Variants in SMOC2 observed in about 807,000 individuals in gnomAD.
SMOC2 encodes SPARC-related modular calcium-binding protein 2.
SMOC2 carries 39 observed loss-of-function variants against 61.4 expected under a neutral mutation model. That is an observed-to-expected ratio of 0.64 (90% CI 0.49 to 0.83). The LOEUF (loss-of-function observed/expected upper bound fraction) is 0.83. Among genes scored for constraint, SMOC2 ranks in the 40% least tolerant of loss-of-function variants. The pLI is 0.00. For missense variants in SMOC2, 556 were observed against 592.9 expected (o/e 0.94, Z 0.65); for synonymous variants, 247 against 239.9 (o/e 1.03, Z -0.27).
At chr6:168,664,434 C>T in intron 12 of SMOC2, 1 of 402,286 alleles carries the variant, frequency 2.5e-6, no homozygotes, top group Non-Finnish European at 4.5e-6. Flanking sequence ...GGGGTTCTGC[C>T]ATGTTGCCCA....
chr6:168,464,824 A>G (rs946412639), intron 1 of SMOC2, among the ~76,000 whole-genome samples: 3 of 152,254 alleles, frequency 2.0e-5, no homozygotes, highest in African/African-American at 7.2e-5. Flanking sequence ...AGGAATAAAA[A>G]AAGTGCCAGG....
At chr6:168,634,168 A>G (rs1786651180) in intron 9 of SMOC2, among the ~76,000 whole-genome samples, 1 of 152,146 alleles carries the variant, frequency 6.6e-6, no homozygotes, top group African/African-American at 2.4e-5. Flanking sequence ...ACGGACTAAT[A>G]CACACAGGCT....
At chr6:168,628,840 C>T (rs1391883303) in intron 9 of SMOC2, among the ~76,000 whole-genome samples, 1 of 152,238 alleles carries the variant, frequency 6.6e-6, no homozygotes, top group East Asian at 1.9e-4. Context: ...TGAACTTTAA[C>T]CAGGCCATTC....
intron 1 of SMOC2, among the ~76,000 whole-genome samples, chr6:168,490,487 G>A (rs1462186876): frequency 3.9e-5 from 6 of 152,180 alleles, no homozygotes; most frequent in African/African-American, 7.2e-5. Flanking sequence ...CCCCTTGATG[G>A]CCTGCACGCC....
At chr6:168,606,621 C>G (rs60027497) in intron 8 of SMOC2, among the ~76,000 whole-genome samples, 1 of 152,082 alleles carries the variant, frequency 6.6e-6, no homozygotes, top group Non-Finnish European at 1.5e-5. Context: ...AAAATAGAAC[C>G]TAAAGTGATC....
intron 9 of SMOC2, among the ~76,000 whole-genome samples, chr6:168,632,812 T>G (rs1033407631): frequency 2.6e-5 from 4 of 152,216 alleles, no homozygotes; most frequent in Non-Finnish European, 1.5e-5. Context: ...TCCCAGAGAC[T>G]GTCATCAGCC....
At chr6:168,604,562 CA>C (rs1785638458) in intron 8 of SMOC2, among the ~76,000 whole-genome samples, 1 of 152,296 alleles carries the variant, frequency 6.6e-6, no homozygotes, top group African/African-American at 2.4e-5. Context: ...CTGAAATAAG[CA>C]GCCCCAGGGA....
intron 9 of SMOC2, among the ~76,000 whole-genome samples, chr6:168,645,454 G>A (rs184980097): frequency 1.3e-5 from 2 of 152,304 alleles, no homozygotes; most frequent in East Asian, 3.9e-4. Context: ...GAGTTAGCAC[G>A]GGACAGAGAC....
chr6:168,458,004 G>A (rs995939539), intron 1 of SMOC2, among the ~76,000 whole-genome samples: 3 of 152,122 alleles, frequency 2.0e-5, no homozygotes, highest in African/African-American at 7.2e-5. Context: ...ATCCTGCTGC[G>A]AGACACACTC....
chr6:168,483,180 T>TAC (rs1042863924), intron 1 of SMOC2, among the ~76,000 whole-genome samples: 3 of 151,744 alleles, frequency 2.0e-5, no homozygotes, highest in African/African-American at 7.3e-5. Context: ...AACAATGCTG[T>TAC]ACACACACAT....
At chr6:168,664,023 T>C in intron 11 of SMOC2, 51 bp from the exon 12 acceptor site, 1 of 1,495,678 alleles carries the variant, frequency 6.7e-7, no homozygotes, top group South Asian at 1.2e-5. Context: ...GAACCTTTCA[T>C]TAAATAATGA....
rs778927384 is a variant in SMOC2, at chr6:168,666,473, T to A, written c.*35T>A. Reference sequence around the variant, plus strand: ...ACCCCGAAGGCAGTTCCTAGACACATGGGAAATTTCCCTCACCAAAGAGCA... The same window carrying A: ...ACCCCGAAGGCAGTTCCTAGACACAAGGGAAATTTCCCTCACCAAAGAGCA... On this transcript the variant is annotated 3_prime_UTR_variant, in exon 13 of 13. Transcript: ENST00000356284. 1.9e-6 allele frequency: 3 copies of A among 1,612,606 alleles called. No homozygotes were observed. The highest frequency in any genetic ancestry group is 2.5e-6 in the Non-Finnish European group (3 of 1,179,152).
chr6:168,512,315 G>A (rs1309240118), intron 2 of SMOC2, among the ~76,000 whole-genome samples: 2 of 152,152 alleles, frequency 1.3e-5, no homozygotes, highest in African/African-American at 4.8e-5. Flanking sequence ...TCACCAGGCT[G>A]CCCCATCCCA....
At chr6:168,611,790 C>G (rs1785875763) in intron 9 of SMOC2, among the ~76,000 whole-genome samples, 2 of 152,166 alleles carry the variant, frequency 1.3e-5, no homozygotes, top group African/African-American at 4.8e-5. Context: ...TGCTGGAATT[C>G]TTCCCTCTGC....
At chr6:168,463,412 G>A (rs1781757595) in intron 1 of SMOC2, among the ~76,000 whole-genome samples, 1 of 152,182 alleles carries the variant, frequency 6.6e-6, no homozygotes. Context: ...ATTCCCCAGT[G>A]AGGCCTGGGA....
intron 1 of SMOC2, among the ~76,000 whole-genome samples, chr6:168,501,059 T>C (rs2609331): frequency 0.52 from 79,460 of 152,030 alleles, 22,069 homozygotes; most frequent in East Asian, 0.75. Context: ...CTCTAAACAC[T>C]TCTGACCCCT....
chr6:168,636,641 G>C (rs575283862), intron 9 of SMOC2, among the ~76,000 whole-genome samples: 1 of 152,226 alleles, frequency 6.6e-6, no homozygotes, highest in Non-Finnish European at 1.5e-5. Context: ...AAGTGATAGC[G>C]GTCAAAGCTG....
At chr6:168,543,702 G>A (rs1245469256) in intron 5 of SMOC2, 30 bp downstream of exon 5, 5 of 1,587,470 alleles carry the variant, frequency 3.1e-6, no homozygotes, top group East Asian at 2.2e-5. Flanking sequence ...TGTCTATGAC[G>A]ATATGTAACA....
intron 1 of SMOC2, among the ~76,000 whole-genome samples, chr6:168,449,095 A>T (rs983832375): frequency 3.9e-5 from 6 of 152,180 alleles, no homozygotes; most frequent in Non-Finnish European, 7.3e-5. Flanking sequence ...CCATCTTCAG[A>T]AGTGAACGCA....
Sources: gnomAD v4.1 joint callset for allele counts (sites outside exome capture counted in the v4.1 genomes callset) on GRCh38, gnomAD v4.1.1 for gene constraint, MANE v1.5 for transcripts, NCBI Gene and HGNC (gene_info 2026-07-23, HGNC 2026-07-21) for gene names.